Variants in APPL1 observed in about 807,000 individuals in gnomAD.
APPL1 encodes the protein adaptor protein, phosphotyrosine interacting with PH domain and leucine zipper 1.
A neutral mutation model predicts 106.8 loss-of-function variants in APPL1; 42 were observed. The ratio of observed to expected loss-of-function variants is 0.39; its 90% CI spans 0.31 to 0.51. The LOEUF (loss-of-function observed/expected upper bound fraction) is 0.51, where lower values mean the gene tolerates loss of function less well. APPL1 is among the 20% of genes least tolerant of loss of function. The pLI, the probability that APPL1 is intolerant of heterozygous loss-of-function variation, is 0.75. For missense variants in APPL1, 769 were observed against 858.2 expected (o/e 0.90, Z 1.30); for synonymous variants, 263 against 281.8 (o/e 0.93, Z 0.67).
chr3:57,243,289 T>C (rs977017774), intron 7 of APPL1, among the ~76,000 whole-genome samples: 1 of 152,246 alleles, frequency 6.6e-6, no homozygotes, highest in African/African-American at 2.4e-5. Context: ...AATTCTGTTA[T>C]GAGGCCCTCC....
chr3:57,236,274 CCT>C (rs2060716061), intron 2 of APPL1, among the ~76,000 whole-genome samples: 1 of 151,312 alleles, frequency 6.6e-6, no homozygotes, highest in Non-Finnish European at 1.5e-5. Context: ...GAACTCCCGA[CCT>C]CAGGTGATCC....
intron 18 of APPL1, 151 bp downstream of exon 18, chr3:57,260,304 T>C (rs1399850506): frequency 1.6e-5 from 12 of 774,186 alleles, no homozygotes; most frequent in Non-Finnish European, 2.2e-5. Context: ...TATGGCCATC[T>C]CCAAAAAGTT....
intron 15 of APPL1, 60 bp downstream of exon 15, chr3:57,257,488 C>A: frequency 1.5e-6 from 2 of 1,377,080 alleles, no homozygotes; most frequent in Admixed American, 2.4e-5. Context: ...AATCCCCTGT[C>A]TGCATTTCAG....
intron 13 of APPL1, among the ~76,000 whole-genome samples, chr3:57,255,099 T>C (rs2060827828): frequency 2.0e-5 from 3 of 152,198 alleles, no homozygotes; most frequent in Admixed American, 1.3e-4. Context: ...AACCCTGAAG[T>C]GTAGACACAG....
At chr3:57,237,898 A>G (rs960280198) in intron 3 of APPL1, 147 bp from the exon 4 acceptor site, 8 of 625,724 alleles carry the variant, frequency 1.3e-5, no homozygotes, top group South Asian at 6.8e-5. Context: ...TATTATATAC[A>G]TTACACAATT....
intron 9 of APPL1, 54 bp from the exon 10 acceptor site, chr3:57,248,139 G>C: frequency 6.5e-7 from 1 of 1,538,376 alleles, no homozygotes. Context: ...AACATGATTG[G>C]TAAGGAGTTC....
intron 1 of APPL1, among the ~76,000 whole-genome samples, chr3:57,233,996 A>G (rs961558077): frequency 2.0e-5 from 3 of 151,984 alleles, no homozygotes; most frequent in Non-Finnish European, 2.9e-5. Context: ...AGGTGGGAGG[A>G]TTTTTTGAGC....
chr3:57,271,131 C>G lies in APPL1; in HGVS notation c.*1444C>G, dbSNP rs1344941451. The G allele has an allele frequency of 6.6e-6, 1 of 152,238 alleles. No individual in the cohort carries two copies. The highest frequency in any genetic ancestry group is 6.6e-5 in the Admixed American group (1 of 15,238). 9.4% of individuals were successfully genotyped at this position (152,238 alleles called of 1,614,324 possible). A position where few individuals can be genotyped will look rare whatever the true frequency, so the allele number is the denominator to read the frequency against. On this transcript the variant is annotated 3_prime_UTR_variant, in exon 22 of 22. Transcript: ENST00000288266. ...TTTAATAATTTTACAAGGGAAAAAG[C>G]CTTTTTTTTTCTTTGATATACAGTT...
In APPL1 at chr3:57,270,086, G is replaced by T. The variant is rs539218744; in HGVS notation, c.*399G>T. The stretch of plus-strand genomic sequence containing the variant: ...GCTTTTCTTTCATTAGGAACATTTT[G>T]CTGGTGATGAGGAAGCATTTAGCTG... On this transcript the variant is annotated 3_prime_UTR_variant, in exon 22 of 22. Transcript: ENST00000288266. 1.3e-5 allele frequency: 2 copies of T among 155,548 alleles called. No homozygotes were observed. Among genetic ancestry groups the T allele is most frequent in the African/African-American group, 4.8e-5 (2 of 41,646 alleles). 9.6% of individuals were successfully genotyped at this position (155,548 alleles called of 1,614,324 possible).
At position 57,246,062 on chromosome 3, in the gene APPL1, C is replaced by A. The variant is rs1020371986; in HGVS notation, c.475-14C>A. The A allele has an allele frequency of 2.6e-6, 4 of 1,544,706 alleles. No individual in the cohort carries two copies. Among genetic ancestry groups the A allele is most frequent in the Non-Finnish European group, 3.5e-6 (4 of 1,148,156 alleles). On this transcript the variant is annotated splice_polypyrimidine_tract_variant and intron_variant, in intron 7 of 21. Coordinates refer to ENST00000288266, the MANE Select transcript of APPL1 (RefSeq NM_012096.3). ...AGATTATTTACTTAATTATTTAAAT[C>A]TTTTCATTCAAAGGTGAAGTATGAA...
At position 57,248,264 on chromosome 3, in the gene APPL1, A is replaced by G. The variant is rs368783056; in HGVS notation, c.776A>G (p.Asp259Gly). The G allele has an allele frequency of 1.9e-6, 3 of 1,614,044 alleles. No individual in the cohort carries two copies. In the African/African-American group the frequency reaches 4.0e-5, roughly 22 times the overall value. ...ATAGAGGATTTGGAAGTAGCCAGTG[A>G]TCCCTTATATGTGCCTGACCCAGAC... is the stretch of plus-strand genomic sequence containing the variant. ...QTIEDLEVAS[D>G]PLYVPDPDPT... Residue 259 changes from aspartate (D) to glycine (G), a missense_variant, in exon 10 of 22, where the codon GAT (aspartate) becomes GGT (glycine). By Grantham distance (94) the Asp-to-Gly change is moderately conservative. Transcript: ENST00000288266.
chr3:57,245,900 A>G (rs2060771279), intron 7 of APPL1, among the ~76,000 whole-genome samples, 176 bp from the exon 8 acceptor site: 2 of 152,166 alleles, frequency 1.3e-5, no homozygotes, highest in Non-Finnish European at 2.9e-5. Flanking sequence ...AATTTGCTTA[A>G]CCAGTATGTT....
chr3:57,255,634 A>G (rs1409076351), intron 13 of APPL1, among the ~76,000 whole-genome samples: 7 of 152,230 alleles, frequency 4.6e-5, no homozygotes, highest in Non-Finnish European at 8.8e-5. Context: ...TTATATTTAC[A>G]TTGTAACATA....
intron 5 of APPL1, among the ~76,000 whole-genome samples, chr3:57,240,932 T>C (rs2060743180): frequency 6.6e-6 from 1 of 152,158 alleles, no homozygotes; most frequent in African/African-American, 2.4e-5. Context: ...GAACAGTCAT[T>C]GTTCTGTTAG....
chr3:57,267,832 C>G, intron 20 of APPL1, 40 bp downstream of exon 20: 1 of 1,605,224 alleles, frequency 6.2e-7, no homozygotes, highest in African/African-American at 1.3e-5. Context: ...TGGTTCACAC[C>G]TGTAATCGCA....
chr3:57,257,483 C>A (rs1297161508), intron 15 of APPL1, 55 bp downstream of exon 15: 3 of 1,401,328 alleles, frequency 2.1e-6, no homozygotes. Flanking sequence ...CTTATAATCC[C>A]CTGTCTGCAT....
rs912768161 is a variant in APPL1, at chr3:57,227,825, C to A, written c.-59C>A. 40 of 1,384,644 alleles carry A rather than the reference C, an allele frequency of 2.9e-5. 1 individual carries two copies. The South Asian group carries it at 4.7e-4, about 16-fold the overall frequency. 85.8% of individuals were successfully genotyped at this position (1,384,644 alleles called of 1,614,324 possible). A position where few individuals can be genotyped will look rare whatever the true frequency, so the allele number is the denominator to read the frequency against. On this transcript the variant is annotated 5_prime_UTR_variant, in exon 1 of 22. Transcript: ENST00000288266. ...CCGGGGTCAGCTGCGGCGGGCGGGC[C>A]GGCGCGGGGAGCTGTGGGCGGCAGC... is the stretch of plus-strand genomic sequence containing the variant.
intron 2 of APPL1, among the ~76,000 whole-genome samples, chr3:57,235,944 T>C (rs2060714063): frequency 6.6e-6 from 1 of 152,192 alleles, no homozygotes; most frequent in Admixed American, 6.5e-5. Flanking sequence ...AACTCACTGA[T>C]AGTGATCTTT....
rs2060952346 is a variant in APPL1, at chr3:57,272,776, T to C, written c.*3089T>C. 2 of 152,120 alleles carry C rather than the reference T, an allele frequency of 1.3e-5. No homozygotes were observed. The highest frequency in any genetic ancestry group is 4.1e-4 in the South Asian group (2 of 4,830). 9.4% of individuals were successfully genotyped at this position (152,120 alleles called of 1,614,324 possible). On this transcript the variant is annotated 3_prime_UTR_variant, in exon 22 of 22. Transcript: ENST00000288266. ...CACCGCGCCCGGCTAATTTTTTGTA[T>C]TTTTAGTAGAGACGGGGTTTCACCG...
Sources: gnomAD v4.1 joint callset for allele counts (sites outside exome capture counted in the v4.1 genomes callset) on GRCh38, gnomAD v4.1.1 for gene constraint, MANE v1.5 for transcripts, NCBI Gene and HGNC (gene_info 2026-07-23, HGNC 2026-07-21) for gene names.